The following TSG101 variants were observed in gnomAD, a reference collection of about 807,000 sequenced individuals.
TSG101 encodes tumor susceptibility 101.
In TSG101, 19 loss-of-function variants were observed where a neutral mutation model predicts 48.5. That is an observed-to-expected ratio of 0.39 (90% CI 0.27 to 0.58). The LOEUF (loss-of-function observed/expected upper bound fraction) is 0.58. TSG101 is among the 20% of genes least tolerant of loss of function. The pLI is 0.55. For synonymous variants in TSG101, 174 were observed against 169.4 expected, an observed-to-expected ratio of 1.03 and a Z score of -0.21; for missense variants, 365 against 484.4, an observed-to-expected ratio of 0.75 and a Z score of 2.31.
At chr11:18,505,021 G>C (rs1301008399) in intron 6 of TSG101, among the ~76,000 whole-genome samples, 3 of 152,008 alleles carry the variant, frequency 2.0e-5, no homozygotes, top group Admixed American at 2.0e-4. Flanking sequence ...CTTCTAAAAA[G>C]TTGTGAAATT....
At chr11:18,516,005 G>C (rs1330634631) in intron 3 of TSG101, 94 bp downstream of exon 3, 2 of 1,110,148 alleles carry the variant, frequency 1.8e-6, no homozygotes, top group African/African-American at 3.1e-5. Flanking sequence ...TCAAAGCCCT[G>C]AGAAAGTAGG....
chr11:18,524,899 TAAGG>T (rs1211161924), intron 1 of TSG101, among the ~76,000 whole-genome samples: 2 of 151,498 alleles, frequency 1.3e-5, no homozygotes, highest in Non-Finnish European at 2.9e-5. Flanking sequence ...ATACATACAT[TAAGG>T]AATAAATCTT....
intron 4 of TSG101, among the ~76,000 whole-genome samples, chr11:18,513,926 C>T (rs961376979): frequency 6.6e-6 from 1 of 152,004 alleles, no homozygotes; most frequent in East Asian, 1.9e-4. Flanking sequence ...TACTAAAATA[C>T]AAAACTTTTG....
chr11:18,517,868 G>A lies in TSG101; in HGVS notation c.127+1651C>T, dbSNP rs189149775. On this transcript the variant is annotated intron_variant, in intron 2 of 9. Coordinates refer to ENST00000251968, the MANE Select transcript of TSG101 (RefSeq NM_006292.4). ...ACTGTTGACGAATGTAAGCTATACC[G>A]CAATGTATTCTGATTTTGTGCATTT... 1.7e-3 allele frequency among the ~76,000 whole-genome samples: 265 copies of A among 152,192 alleles called. 1 individual carries two copies. The highest frequency in any genetic ancestry group is 9.3e-3 in the South Asian group (45 of 4,826).
chr11:18,509,423 A>G (rs1476614506), intron 5 of TSG101, 119 bp downstream of exon 5: 1 of 1,359,860 alleles, frequency 7.4e-7, no homozygotes, highest in African/African-American at 1.5e-5. Flanking sequence ...CTTCCAAAAA[A>G]TCCACTAGCT....
intron 7 of TSG101, among the ~76,000 whole-genome samples, chr11:18,499,254 TTATA>T (rs1024694961): frequency 4.4e-5 from 6 of 136,088 alleles, no homozygotes; most frequent in South Asian, 4.3e-4. Context: ...TATTTATATA[TTATA>T]TATATTTTAT....
chr11:18,499,946 CTTCT>C (rs1590277968), intron 7 of TSG101, among the ~76,000 whole-genome samples: 1 of 152,018 alleles, frequency 6.6e-6, no homozygotes, highest in African/African-American at 2.4e-5. Flanking sequence ...GAACTTATTC[CTTCT>C]ATCTAACTGT....
rs114966126 is a variant in TSG101 at position 18,482,128 on chromosome 11, G to A, written c.844-259C>T. 2.5e-3 allele frequency among the ~76,000 whole-genome samples: 378 copies of A among 152,302 alleles called. 3 individuals are homozygous for A. Among genetic ancestry groups the A allele is most frequent in the African/African-American group, 8.8e-3 (365 of 41,554 alleles). On this transcript the variant is annotated intron_variant, in intron 8 of 9. Transcript: ENST00000251968. Reference sequence around the variant, plus strand: ...AGTAACAAGCTTGTCACCTGTCAGCGACAAATGATACTGCAAACTAAGCCA... The same window carrying A: ...AGTAACAAGCTTGTCACCTGTCAGCAACAAATGATACTGCAAACTAAGCCA...
chr11:18,510,334 T>C (rs978437685), intron 4 of TSG101, among the ~76,000 whole-genome samples: 5 of 152,070 alleles, frequency 3.3e-5, no homozygotes, highest in African/African-American at 9.7e-5. Context: ...GGCAAGAGAA[T>C]TGCTTAAACC....
At chr11:18,506,575 A>T (rs1849977490) in intron 6 of TSG101, among the ~76,000 whole-genome samples, 1 of 151,980 alleles carries the variant, frequency 6.6e-6, no homozygotes, top group Non-Finnish European at 1.5e-5. Flanking sequence ...CTGTAGTCCC[A>T]ACTGCTAGGG....
intron 9 of TSG101, 41 bp from the exon 10 acceptor site, chr11:18,480,676 G>A: frequency 6.3e-7 from 1 of 1,575,382 alleles, no homozygotes; most frequent in Non-Finnish European, 8.7e-7. Context: ...GAATGGCTTT[G>A]ATTTAGGCCC....
chr11:18,484,150 G>C (rs1849586608), intron 7 of TSG101, 78 bp from the exon 8 acceptor site: 3 of 1,455,280 alleles, frequency 2.1e-6, no homozygotes, highest in Non-Finnish European at 2.9e-6. Flanking sequence ...CTTCAGAAAA[G>C]GGGGCAATAT....
At chr11:18,526,708 C>A in intron 1 of TSG101, 67 bp downstream of exon 1, 2 of 1,558,902 alleles carry the variant, frequency 1.3e-6, no homozygotes, top group Non-Finnish European at 1.7e-6. Flanking sequence ...TGGGCCGGGA[C>A]GGACTCGACA....
At chr11:18,522,295 T>C (rs933492096) in intron 1 of TSG101, among the ~76,000 whole-genome samples, 2 of 152,226 alleles carry the variant, frequency 1.3e-5, no homozygotes, top group Non-Finnish European at 2.9e-5. Flanking sequence ...AAATGTCAAA[T>C]TGAACATGAC....
At chr11:18,487,232 T>C (rs1197194136) in intron 7 of TSG101, among the ~76,000 whole-genome samples, 3 of 150,580 alleles carry the variant, frequency 2.0e-5, no homozygotes, top group African/African-American at 7.3e-5. Flanking sequence ...CTGCATGTTA[T>C]GCACATGTAC....
At chr11:18,490,835 C>T in intron 7 of TSG101, 1 of 546,526 alleles carries the variant, frequency 1.8e-6, no homozygotes, top group Non-Finnish European at 3.7e-6. Flanking sequence ...GAGCAGATTT[C>T]TCTCTTCGTT....
Position 18,504,593 on chromosome 11 carries a change from GCT to G in TSG101, c.549-2018_549-2017del, listed in dbSNP as rs146665093. 3.7e-3 allele frequency among the ~76,000 whole-genome samples: 566 copies of G among 152,220 alleles called. 4 individuals are homozygous for G. Among genetic ancestry groups the G allele is most frequent in the African/African-American group, 0.013 (552 of 41,528 alleles). ...ACCTTTCTGAAAACTGGGATAAACT[GCT>G]CTTTTTTTCTGGAGTTTCTCCCATT... On this transcript the variant is annotated intron_variant, in intron 6 of 9. Transcript: ENST00000251968.
At chr11:18,483,128 A>G (rs10832938) in intron 8 of TSG101, among the ~76,000 whole-genome samples, 25,272 of 151,996 alleles carry the variant, frequency 0.17, 2,648 homozygotes, top group East Asian at 0.41. Flanking sequence ...AGTAAGTCTC[A>G]CAAGATCTGA....
At chr11:18,496,648 T>C (rs143904115) in intron 7 of TSG101, among the ~76,000 whole-genome samples, 5 of 152,056 alleles carry the variant, frequency 3.3e-5, no homozygotes, top group African/African-American at 1.2e-4. Context: ...ATACAAAAAT[T>C]AGCCGGGCAT....
Sources: gnomAD v4.1 joint callset for allele counts (sites outside exome capture counted in the v4.1 genomes callset) on GRCh38, gnomAD v4.1.1 for gene constraint, MANE v1.5 for transcripts, NCBI Gene and HGNC (gene_info 2026-07-23, HGNC 2026-07-21) for gene names.